Variants in OXR1 observed in about 807,000 individuals in gnomAD.
OXR1 encodes oxidation resistance 1.
OXR1 carries 41 observed loss-of-function variants against 104.6 expected under a neutral mutation model. The observed-to-expected ratio is 0.39, with a 90% CI of 0.31 to 0.51. OXR1 has a LOEUF of 0.51. Ranked by LOEUF, OXR1 falls within the 20% of genes least tolerant of loss-of-function variation. OXR1 has a pLI of 0.77. For synonymous variants in OXR1, 348 were observed against 348.4 expected (o/e 1.00, Z 0.01); for missense variants, 955 against 1,031.9 (o/e 0.93, Z 1.02).
rs79788568 is a variant in OXR1 at position 106,592,673 on chromosome 8, A to G, written c.220+73534A>G. Among the ~76,000 whole-genome samples, 1,345 of 152,298 alleles carry G rather than the reference A, an allele frequency of 8.8e-3. 24 individuals carry two copies. The highest frequency in any genetic ancestry group is 0.031 in the African/African-American group (1,275 of 41,538). ...TATAGCAAGGTATAGGGAAAAACAA[A>G]CAAGCAAACAAAAACCATCCCATAT... On this transcript the variant is annotated intron_variant, in intron 3 of 16. Transcript: ENST00000517566.
At chr8:106,686,509 A>G (rs903404509) in intron 6 of OXR1, among the ~76,000 whole-genome samples, 5 of 152,088 alleles carry the variant, frequency 3.3e-5, no homozygotes, top group African/African-American at 1.2e-4. Context: ...TCAAGTGCCT[A>G]TATTTCTATA....
chr8:106,744,893 T>C (rs1212324800), intron 15 of OXR1, among the ~76,000 whole-genome samples: 1 of 152,216 alleles, frequency 6.6e-6, no homozygotes, highest in African/African-American at 2.4e-5. Flanking sequence ...AAATTTGTAC[T>C]TAACTAGCTC....
chr8:106,474,668 C>T lies in OXR1; in HGVS notation c.24-44275C>T, dbSNP rs954145520. Among the ~76,000 whole-genome samples the T allele has an allele frequency of 3.3e-5, 5 of 152,020 alleles. No individual in the cohort carries two copies. The East Asian group carries it at 7.8e-4, about 24-fold the overall frequency. Reference sequence around the variant, plus strand: ...ATTATCAATGGCTGCTTTTGTGCTACGTCAGCAGAGGTGAGTAGTTGTGAC... The same window carrying T: ...ATTATCAATGGCTGCTTTTGTGCTATGTCAGCAGAGGTGAGTAGTTGTGAC... On this transcript the variant is annotated intron_variant, in intron 2 of 16. Transcript: ENST00000517566.
chr8:106,465,541 G>A (rs1319729971), intron 2 of OXR1, among the ~76,000 whole-genome samples: 3 of 151,976 alleles, frequency 2.0e-5, no homozygotes, highest in Non-Finnish European at 4.4e-5. Flanking sequence ...GAGAGACCAG[G>A]TAAGAGATGC....
chr8:106,570,726 T>A (rs1244522415), intron 3 of OXR1, among the ~76,000 whole-genome samples: 1 of 152,198 alleles, frequency 6.6e-6, no homozygotes, highest in Non-Finnish European at 1.5e-5. Flanking sequence ...TGTCCCCAGA[T>A]GCCTGTCTTG....
intron 3 of OXR1, among the ~76,000 whole-genome samples, chr8:106,610,271 A>G (rs1820717585): frequency 6.6e-6 from 1 of 152,130 alleles, no homozygotes; most frequent in Admixed American, 6.6e-5. Context: ...CACTTCTGTC[A>G]ATCACTGCTG....
chr8:106,396,886 C>A (rs887366184), intron 2 of OXR1, among the ~76,000 whole-genome samples: 1 of 152,002 alleles, frequency 6.6e-6, no homozygotes, highest in Admixed American at 6.6e-5. Context: ...TTCTTTAAAT[C>A]TAAAATTATT....
chr8:106,691,854 G>C (rs1829318273), intron 6 of OXR1, among the ~76,000 whole-genome samples: 1 of 150,456 alleles, frequency 6.6e-6, no homozygotes. Context: ...TAAGCTCACT[G>C]GTTTGTGTGT....
At chr8:106,391,189 C>A (rs562953151) in intron 2 of OXR1, among the ~76,000 whole-genome samples, 52 of 152,136 alleles carry the variant, frequency 3.4e-4, no homozygotes, top group Non-Finnish European at 5.1e-4. Context: ...ATTATTGAAT[C>A]ATGAGGATTC....
At chr8:106,700,558 G>A (rs976706211) in intron 7 of OXR1, among the ~76,000 whole-genome samples, 2 of 152,162 alleles carry the variant, frequency 1.3e-5, no homozygotes, top group Non-Finnish European at 2.9e-5. Flanking sequence ...AGATTGATCA[G>A]TCTAGTGGGT....
chr8:106,425,083 GTTTTTTTTTTT>G (rs748444311), intron 2 of OXR1, among the ~76,000 whole-genome samples: 1 of 83,660 alleles, frequency 1.2e-5, no homozygotes. Context: ...GTTTGGTTTG[GTTTTTTTTTTT>G]TTTTTTTTTT....
intron 1 of OXR1, among the ~76,000 whole-genome samples, chr8:106,306,680 C>T (rs1035780281): frequency 7.9e-5 from 12 of 152,034 alleles, no homozygotes; most frequent in Admixed American, 2.6e-4. Context: ...TTGTATGATT[C>T]GATTTTTATC....
chr8:106,272,248 G>A (rs1450090078), intron 1 of OXR1: 2 of 152,292 alleles, frequency 1.3e-5, no homozygotes, highest in African/African-American at 2.4e-5. Flanking sequence ...CCGGCCCGGC[G>A]TTGGGTGAGA....
intron 2 of OXR1, among the ~76,000 whole-genome samples, chr8:106,437,146 T>C (rs897693751): frequency 1.3e-5 from 2 of 152,160 alleles, no homozygotes; most frequent in Non-Finnish European, 2.9e-5. Flanking sequence ...TTAAAATTCA[T>C]TGTGAGACTG....
At chr8:106,376,886 A>G (rs186931054) in intron 2 of OXR1, among the ~76,000 whole-genome samples, 2 of 152,310 alleles carry the variant, frequency 1.3e-5, no homozygotes, top group African/African-American at 2.4e-5. Flanking sequence ...TGGGCTACCC[A>G]TTATGCTTTT....
At chr8:106,570,228 A>C (rs1331007028) in intron 3 of OXR1, among the ~76,000 whole-genome samples, 2 of 152,076 alleles carry the variant, frequency 1.3e-5, no homozygotes, top group African/African-American at 4.8e-5. Context: ...CATACTTGTG[A>C]TTTTCTTCCC....
At chr8:106,517,394 T>C (rs1410191043) in intron 2 of OXR1, among the ~76,000 whole-genome samples, 1 of 152,186 alleles carries the variant, frequency 6.6e-6, no homozygotes, top group Admixed American at 6.5e-5. Context: ...TGTATAAAAT[T>C]CCATTCTACC....
chr8:106,336,476 C>T (rs912413412), intron 1 of OXR1, among the ~76,000 whole-genome samples: 1 of 152,212 alleles, frequency 6.6e-6, no homozygotes, highest in African/African-American at 2.4e-5. Flanking sequence ...GATTCATTTG[C>T]TTTTGCATAA....
intron 3 of OXR1, among the ~76,000 whole-genome samples, chr8:106,599,067 C>T (rs1819742873): frequency 6.6e-6 from 1 of 152,170 alleles, no homozygotes; most frequent in African/African-American, 2.4e-5. Context: ...ACATTGTAGA[C>T]AAGTTCAGTG....
Sources: allele counts gnomAD v4.1 joint callset (sites outside exome capture counted in the v4.1 genomes callset), GRCh38; gene constraint gnomAD v4.1.1; transcripts MANE v1.5; gene names NCBI Gene and HGNC (gene_info 2026-07-23, HGNC 2026-07-21).